Variants in CR1L observed in about 807,000 individuals in gnomAD.
CR1L encodes the protein complement C3b/C4b receptor 1 like.
In CR1L, 59 loss-of-function variants were observed where a neutral mutation model predicts 62.3. The ratio of observed to expected loss-of-function variants is 0.95; its 90% CI spans 0.77 to 1.18. CR1L has a LOEUF of 1.18. Among genes scored for constraint, CR1L ranks in the 50% most tolerant of loss-of-function variants. The pLI, the probability that CR1L is intolerant of heterozygous loss-of-function variation, is 0.00. For missense variants in CR1L, 700 were observed against 702.8 expected (o/e 1.00, Z 0.04); for synonymous variants, 279 against 248.7 (o/e 1.12, Z -1.15).
intron 1 of CR1L, among the ~76,000 whole-genome samples, chr1:207,668,191 C>G (rs562565958): frequency 6.6e-6 from 1 of 151,140 alleles, no homozygotes; most frequent in Admixed American, 6.6e-5. Flanking sequence ...GAAAGGAAAC[C>G]AGTATGATGA....
intron 9 of CR1L, among the ~76,000 whole-genome samples, chr1:207,701,920 T>C (rs558588889): frequency 6.6e-6 from 1 of 152,122 alleles, no homozygotes; most frequent in Non-Finnish European, 1.5e-5. Flanking sequence ...TAGACATTGC[T>C]GGAAGAAAGG....
intron 1 of CR1L, among the ~76,000 whole-genome samples, chr1:207,665,338 G>C (rs1468759763): frequency 6.6e-6 from 1 of 152,058 alleles, no homozygotes; most frequent in Non-Finnish European, 1.5e-5. Flanking sequence ...ACAGGCGTGA[G>C]CTGTAGTGAC....
chr1:207,677,712 T>C (rs570356389), intron 2 of CR1L, 144 bp downstream of exon 2: 1 of 958,978 alleles, frequency 1.0e-6, no homozygotes, highest in Admixed American at 3.0e-5. Flanking sequence ...TTGTAGATCA[T>C]ACCTTGTTAC....
rs17046718 is a variant in CR1L at position 207,699,382 on chromosome 1, T to G, written c.1228+108T>G. On this transcript the variant is annotated intron_variant, in intron 8 of 11. Coordinates refer to ENST00000508064, the MANE Select transcript of CR1L (RefSeq NM_175710.2). ...TCTTCAATTTTCTAATCTGAATTAT[T>G]GATTTGAAAATTTCTTATTTTAGTA... 445 of 1,359,098 alleles carry G rather than the reference T, an allele frequency of 3.3e-4. 2 individuals carry two copies. The East Asian group carries it at 8.3e-3, about 25-fold the overall frequency. 84.2% of individuals were successfully genotyped at this position (1,359,098 alleles called of 1,614,324 possible).
intron 1 of CR1L, chr1:207,657,402 G>T: frequency 1.6e-6 from 1 of 641,916 alleles, no homozygotes; most frequent in Admixed American, 2.4e-5. Context: ...AAATAAAGCA[G>T]GTGTATGTGC....
chr1:207,710,804 A>G (rs1286529942), intron 10 of CR1L: 6 of 1,551,558 alleles, frequency 3.9e-6, no homozygotes, highest in Non-Finnish European at 5.3e-6. Flanking sequence ...CCTGAGGCCT[A>G]GAAGGGCCCT....
chr1:207,656,695 G>A (rs1663317064), intron 1 of CR1L, among the ~76,000 whole-genome samples: 1 of 152,092 alleles, frequency 6.6e-6, no homozygotes, highest in Non-Finnish European at 1.5e-5. Flanking sequence ...GGGAGGACGG[G>A]AGGTGTTGCG....
At chr1:207,699,871 A>C (rs1377387330) in intron 8 of CR1L, among the ~76,000 whole-genome samples, 1 of 152,202 alleles carries the variant, frequency 6.6e-6, no homozygotes, top group Admixed American at 6.5e-5. Context: ...CAAGGAAAAA[A>C]ATAAGCAAAT....
At chr1:207,678,457 G>A (rs1663737758) in intron 3 of CR1L, among the ~76,000 whole-genome samples, 160 bp downstream of exon 3, 1 of 152,142 alleles carries the variant, frequency 6.6e-6, no homozygotes, top group Non-Finnish European at 1.5e-5. Context: ...ATGGACAAAG[G>A]TATGACAAGA....
Position 207,723,623 on chromosome 1 carries a change from C to T in CR1L, c.1648C>T (p.His550Tyr), listed in dbSNP as rs1428448026. The T allele has an allele frequency of 1.3e-6, 2 of 1,595,766 alleles. No homozygotes were observed. The highest frequency in any genetic ancestry group is 3.5e-5 in the Admixed American group (2 of 57,242). ...GACTTTTGTCTTCCTTTTAGGTTCA[C>T]ATGATGCTCTTATAGTTGGTAAGTT... is the stretch of plus-strand genomic sequence containing the variant. ...RCELPVGAGSHDALIVGKFYE... is the reference protein window; with the variant it reads ...RCELPVGAGSYDALIVGKFYE... Residue 550 changes from histidine (H) to tyrosine (Y), a missense_variant, in exon 12 of 12, where the codon CAT (histidine) becomes TAT (tyrosine). Coordinates refer to ENST00000508064, the MANE Select transcript of CR1L (RefSeq NM_175710.2).
At chr1:207,714,123 T>C (rs776474674) in intron 10 of CR1L, among the ~76,000 whole-genome samples, 5 of 152,202 alleles carry the variant, frequency 3.3e-5, no homozygotes, top group African/African-American at 4.8e-5. Context: ...AAGAGTTTTA[T>C]TGAGTGACAA....
At chr1:207,720,443 T>C (rs986091094) in intron 11 of CR1L, among the ~76,000 whole-genome samples, 1 of 152,090 alleles carries the variant, frequency 6.6e-6, no homozygotes, top group East Asian at 1.9e-4. Context: ...GGGGCGGTGG[T>C]CCAGGCTTGG....
chr1:207,655,263 C>T, intron 1 of CR1L: 1 of 711,000 alleles, frequency 1.4e-6, no homozygotes, highest in South Asian at 1.6e-5. Context: ...CAGTAAGCCC[C>T]CAATATGTGA....
chr1:207,668,474 A>C (rs1384645363), intron 1 of CR1L, among the ~76,000 whole-genome samples: 1 of 151,040 alleles, frequency 6.6e-6, no homozygotes, highest in Non-Finnish European at 1.5e-5. Flanking sequence ...AGCTCATCTC[A>C]TAGAAGTAGA....
In CR1L at chr1:207,715,354, T is replaced by C. The variant is rs765497250; in HGVS notation, c.1415-2110T>C. On this transcript the variant is annotated intron_variant, in intron 10 of 11. Coordinates refer to ENST00000508064, the MANE Select transcript of CR1L (RefSeq NM_175710.2). ...GGTCTGCTAGTCATTGTGTCTTGGCTGGAATGAAAGCCCTTTGGAATAGCA... is the reference window on the plus strand; with the variant it reads ...GGTCTGCTAGTCATTGTGTCTTGGCCGGAATGAAAGCCCTTTGGAATAGCA... 10 of 1,600,086 alleles carry C rather than the reference T, an allele frequency of 6.2e-6. No homozygotes were observed. The South Asian group carries it at 9.9e-5, about 16-fold the overall frequency.
chr1:207,720,026 A>C (rs1654094577), intron 11 of CR1L, among the ~76,000 whole-genome samples: 1 of 152,244 alleles, frequency 6.6e-6, no homozygotes, highest in African/African-American at 2.4e-5. Context: ...GCAAGGTCCC[A>C]AACACCAGAT....
chr1:207,645,774 C>T lies in CR1L; in HGVS notation c.97+444C>T, dbSNP rs992523205. Among the ~76,000 whole-genome samples the T allele has an allele frequency of 9.2e-5, 14 of 152,230 alleles. 1 individual carries two copies. Among genetic ancestry groups the T allele is most frequent in the Middle Eastern group, 6.8e-3 (2 of 294 alleles). On this transcript the variant is annotated intron_variant, in intron 1 of 11. Transcript: ENST00000508064. ...TTGGTGAGTAGGGTGTTCATTAGGGCTTGGACAGTACCCGCGGTAAGGGTT... is the reference window on the plus strand; with the variant it reads ...TTGGTGAGTAGGGTGTTCATTAGGGTTTGGACAGTACCCGCGGTAAGGGTT...
rs548498316 is a variant in CR1L at position 207,710,717 on chromosome 1, C to A, written c.1414+2454C>A. The A allele has an allele frequency of 8.8e-5, 142 of 1,609,680 alleles. 1 individual carries two copies. The Middle Eastern group carries it at 9.0e-4, about 10-fold the overall frequency. Reference sequence around the variant, plus strand: ...TCAGCCTGGCTTTGTCATGAAAGGACCCCCCGCACCGTGTGCAATGCCAGG... The same window carrying A: ...TCAGCCTGGCTTTGTCATGAAAGGAACCCCCGCACCGTGTGCAATGCCAGG... On this transcript the variant is annotated intron_variant, in intron 10 of 11. Coordinates refer to ENST00000508064, the MANE Select transcript of CR1L (RefSeq NM_175710.2).
At chr1:207,722,060 T>G (rs1654147546) in intron 11 of CR1L, among the ~76,000 whole-genome samples, 2 of 62,814 alleles carry the variant, frequency 3.2e-5, no homozygotes, top group Admixed American at 4.5e-4. Flanking sequence ...TCTTGTAAAT[T>G]TGTTTGAGTT....
Sources: allele counts gnomAD v4.1 joint callset (sites outside exome capture counted in the v4.1 genomes callset), GRCh38; gene constraint gnomAD v4.1.1; transcripts MANE v1.5; gene names NCBI Gene and HGNC (gene_info 2026-07-23, HGNC 2026-07-21).